CPVL: variants seen among roughly 807,000 people sequenced by gnomAD.
CPVL encodes the protein carboxypeptidase vitellogenic like.
In CPVL, 51 loss-of-function variants were observed where a neutral mutation model predicts 63.7. That is an observed-to-expected ratio of 0.80 (90% CI 0.64 to 1.01). The LOEUF (loss-of-function observed/expected upper bound fraction) is 1.01. CPVL is among the 50% of genes least tolerant of loss of function. CPVL has a pLI of 0.00. For missense variants in CPVL, 530 were observed against 573.1 expected (o/e 0.92, Z 0.77); for synonymous variants, 195 against 206.0 (o/e 0.95, Z 0.46).
At chr7:29,128,542 C>A (rs1389413248) in intron 1 of CPVL, among the ~76,000 whole-genome samples, 1 of 151,608 alleles carries the variant, frequency 6.6e-6, no homozygotes, top group Non-Finnish European at 1.5e-5. Flanking sequence ...ACGGTGAAAC[C>A]CTGTCTCTAT....
chr7:29,003,873 A>C (rs1457894157), intron 12 of CPVL, among the ~76,000 whole-genome samples: 2 of 152,088 alleles, frequency 1.3e-5, no homozygotes, highest in East Asian at 1.9e-4. Flanking sequence ...TTCCCCTCCT[A>C]TAAGAATCTA....
intron 4 of CPVL, among the ~76,000 whole-genome samples, chr7:29,182,107 A>G (rs762803215): frequency 6.6e-6 from 1 of 152,224 alleles, no homozygotes; most frequent in Non-Finnish European, 1.5e-5. Flanking sequence ...TTGCAAAATG[A>G]GAACTAACAC....
intron 1 of CPVL, among the ~76,000 whole-genome samples, chr7:29,128,503 G>A (rs2128653658): frequency 6.6e-6 from 1 of 151,970 alleles, no homozygotes; most frequent in East Asian, 1.9e-4. Context: ...ATCACTTGAG[G>A]TCAAGAGTTT....
At chr7:29,060,485 C>T (rs1247628987) in intron 11 of CPVL, among the ~76,000 whole-genome samples, 1 of 152,142 alleles carries the variant, frequency 6.6e-6, no homozygotes, top group African/African-American at 2.4e-5. Context: ...TTCAAATAGC[C>T]CAACAGATTG....
rs1279097920 is a variant in CPVL, at chr7:29,109,689, G to A, written c.288+3015C>T. On this transcript the variant is annotated intron_variant, in intron 3 of 12. Coordinates refer to ENST00000265394, the MANE Select transcript of CPVL (RefSeq NM_031311.5). ...TTTTCATCTCTGCCCCTCTTCTCCC[G>A]AAGCTTCATCTATCACTCTCACCAG... Among the ~76,000 whole-genome samples the A allele has an allele frequency of 3.3e-5, 5 of 152,042 alleles. No individual in the cohort carries two copies. The South Asian group carries it at 1.0e-3, about 32-fold the overall frequency.
Position 29,096,112 on chromosome 7 carries a change from T to A in CPVL, c.394A>T (p.Asn132Tyr). The A allele has an allele frequency of 6.2e-7, 1 of 1,613,190 alleles. No homozygotes were observed. The highest frequency in any genetic ancestry group is 8.5e-7 in the Non-Finnish European group (1 of 1,179,112). Residue 132 changes from asparagine to tyrosine, a missense_variant, in exon 4 of 13, where the codon AAC (asparagine) becomes TAC (tyrosine). Physicochemically the swap from Asn to Tyr is moderately radical, Grantham distance 143. Coordinates refer to ENST00000265394, the MANE Select transcript of CPVL (RefSeq NM_031311.5). ...VEHGPYVVTS[N>Y]MTLRDRDFPW... ...TGCAAGGGATACTTACAGGTCATGT[T>A]ACTTGTGACAACATAAGGCCCATGT...
intron 5 of CPVL, among the ~76,000 whole-genome samples, chr7:29,165,618 A>G (rs957292974): frequency 3.3e-5 from 5 of 152,222 alleles, no homozygotes; most frequent in African/African-American, 1.2e-4. Context: ...GAATGGATAT[A>G]CTTGCACTGT....
intron 12 of CPVL, chr7:29,009,631 T>C (rs979071483): frequency 6.6e-6 from 1 of 152,182 alleles, no homozygotes; most frequent in Non-Finnish European, 1.5e-5. Flanking sequence ...CAAAAGTATG[T>C]TTTTGCAAAA....
At chr7:29,195,331 G>A (rs1468333195), upstream of CPVL, 4 of 302,062 alleles carry the variant, frequency 1.3e-5, no homozygotes, top group East Asian at 6.6e-5. Flanking sequence ...GGGCGGAGAA[G>A]GTTGGGGTGA....
intron 1 of CPVL, among the ~76,000 whole-genome samples, chr7:29,125,785 T>C (rs1270435634): frequency 1.3e-5 from 2 of 152,212 alleles, no homozygotes; most frequent in Non-Finnish European, 2.9e-5. Flanking sequence ...TAAATCCCTT[T>C]TATGGATTGT....
chr7:29,119,690 A>G (rs1188815696), intron 2 of CPVL, among the ~76,000 whole-genome samples: 4 of 152,160 alleles, frequency 2.6e-5, no homozygotes, highest in Non-Finnish European at 5.9e-5. Context: ...TTGGATTTTC[A>G]TAACATCTCT....
intron 12 of CPVL, among the ~76,000 whole-genome samples, chr7:29,000,599 G>C (rs923036943): frequency 1.3e-5 from 2 of 152,170 alleles, no homozygotes; most frequent in Admixed American, 6.5e-5. Context: ...GGAAACAGAA[G>C]AGACAGATGA....
At chr7:29,102,425 T>C in intron 3 of CPVL, among the ~76,000 whole-genome samples, 1 of 151,262 alleles carries the variant, frequency 6.6e-6, no homozygotes, top group South Asian at 2.1e-4. Context: ...AAAGAAGGCC[T>C]CTGGTGGTAG....
chr7:29,005,589 C>T (rs1347331465), intron 12 of CPVL, among the ~76,000 whole-genome samples: 2 of 152,170 alleles, frequency 1.3e-5, no homozygotes, highest in Non-Finnish European at 2.9e-5. Context: ...TGATCCATCC[C>T]ATTCTTTCCC....
intron 12 of CPVL, chr7:29,012,507 T>G (rs1371642797): frequency 6.6e-6 from 1 of 152,228 alleles, no homozygotes; most frequent in East Asian, 1.9e-4. Flanking sequence ...CTTGTAAACC[T>G]GCAGTGCATG....
At chr7:29,178,671 G>A (rs763914398) in intron 5 of CPVL, among the ~76,000 whole-genome samples, 1 of 152,094 alleles carries the variant, frequency 6.6e-6, no homozygotes, top group Non-Finnish European at 1.5e-5. Flanking sequence ...TATATTCTCA[G>A]GGTCTATACC....
At position 29,072,363 on chromosome 7, in the gene CPVL, T is replaced by C. The variant is rs1199685400; in HGVS notation, c.670A>G (p.Arg224Gly). ...CCGTTCAGGTTGATCTTCACCTCTCTCACAGGGTTGAGGGAATGGATGAGG... is the reference window on the plus strand; with the variant it reads ...CCGTTCAGGTTGATCTTCACCTCTCCCACAGGGTTGAGGGAATGGATGAGG... ...AHLIHSLNPV[R>G]EVKINLNGIA... Residue 224 changes from arginine to glycine, a missense_variant, in exon 8 of 13, where the codon AGA becomes GGA. Transcript: ENST00000265394. 1.2e-6 allele frequency: 2 copies of C among 1,614,104 alleles called. No individual in the cohort carries two copies. Among genetic ancestry groups the C allele is most frequent in the Non-Finnish European group, 1.7e-6 (2 of 1,179,966 alleles).
intron 3 of CPVL, among the ~76,000 whole-genome samples, chr7:29,102,586 T>G (rs1463954793): frequency 6.6e-6 from 1 of 152,066 alleles, no homozygotes; most frequent in Non-Finnish European, 1.5e-5. Flanking sequence ...GTTCTAAATA[T>G]TAAAGAAAGA....
upstream of CPVL, among the ~76,000 whole-genome samples, chr7:29,149,647 A>G (rs553063352): frequency 1.3e-5 from 2 of 152,312 alleles, no homozygotes; most frequent in South Asian, 4.1e-4. Context: ...TCTGGAGGCT[A>G]CAAGTCTGAA....
Sources: gnomAD v4.1 joint callset for allele counts (sites outside exome capture counted in the v4.1 genomes callset) on GRCh38, gnomAD v4.1.1 for gene constraint, MANE v1.5 for transcripts, NCBI Gene and HGNC (gene_info 2026-07-23, HGNC 2026-07-21) for gene names.